EXOC6B: variants seen among roughly 807,000 people sequenced by gnomAD.
EXOC6B encodes the protein SEC15 homolog B.
Under a neutral mutation model 113.5 loss-of-function variants are expected in EXOC6B, and 54 were observed. The ratio of observed to expected loss-of-function variants is 0.48; its 90% CI spans 0.38 to 0.60. The LOEUF (loss-of-function observed/expected upper bound fraction) is 0.60, where lower values mean the gene tolerates loss of function less well. Ranked by LOEUF, EXOC6B falls within the 20% of genes least tolerant of loss-of-function variation. The pLI, the probability that EXOC6B is intolerant of heterozygous loss-of-function variation, is 0.00. For missense variants in EXOC6B, 797 were observed against 977.5 expected (o/e 0.82, Z 2.46); for synonymous variants, 357 against 339.0 (o/e 1.05, Z -0.58).
intron 18 of EXOC6B, among the ~76,000 whole-genome samples, chr2:72,401,539 ATAT>A (rs1693208388): frequency 3.8e-5 from 1 of 26,514 alleles, no homozygotes; most frequent in South Asian, 8.5e-4. Context: ...ATATATATAT[ATAT>A]ATGTGTATAT....
chr2:72,397,100 T>C (rs1212249735), intron 18 of EXOC6B, among the ~76,000 whole-genome samples: 3 of 152,194 alleles, frequency 2.0e-5, no homozygotes, highest in Admixed American at 2.0e-4. Context: ...TGTTGTCAGA[T>C]AGGAAAGGCA....
intron 8 of EXOC6B, among the ~76,000 whole-genome samples, chr2:72,552,452 C>CA (rs1703292208): frequency 6.6e-6 from 1 of 152,068 alleles, no homozygotes; most frequent in South Asian, 2.1e-4. Context: ...TTTCAAGGAA[C>CA]AGATAACTCT....
At chr2:72,191,220 T>C (rs1458216632) in intron 20 of EXOC6B, among the ~76,000 whole-genome samples, 2 of 152,150 alleles carry the variant, frequency 1.3e-5, no homozygotes, top group African/African-American at 2.4e-5. Flanking sequence ...GATAGGATAC[T>C]TTTTTTTCTT....
In EXOC6B at chr2:72,825,373, G is replaced by A. The variant is rs780146387; in HGVS notation, c.113+425C>T. On this transcript the variant is annotated intron_variant, in intron 1 of 21. Coordinates refer to ENST00000272427, the MANE Select transcript of EXOC6B (RefSeq NM_015189.3). The surrounding 1 kb of genome is among the most constrained non-coding windows in gnomAD (Gnocchi z 4.4). The stretch of plus-strand genomic sequence containing the variant: ...GATTCTGAGGCAAGACTTTGATTTC[G>A]AGCACTAGACCATGGAGTGAAATTC... 5.5e-4 allele frequency among the ~76,000 whole-genome samples: 83 copies of A among 152,274 alleles called. 1 individual carries two copies. Among genetic ancestry groups the A allele is most frequent in the Middle Eastern group, 3.4e-3 (1 of 294 alleles).
chr2:72,633,905 T>C (rs1188014157), intron 6 of EXOC6B, among the ~76,000 whole-genome samples: 1 of 152,176 alleles, frequency 6.6e-6, no homozygotes, highest in Non-Finnish European at 1.5e-5. Context: ...AACAGTGTTA[T>C]GAAGTAGAGC....
At chr2:72,647,257 A>T (rs1673795575) in intron 6 of EXOC6B, among the ~76,000 whole-genome samples, 1 of 152,176 alleles carries the variant, frequency 6.6e-6, no homozygotes. Context: ...ACTACAAACC[A>T]CTGCTCAACG....
intron 11 of EXOC6B, among the ~76,000 whole-genome samples, chr2:72,512,314 C>CGGAAGGAAGGAAGGAAGGAAGGAAGGAA (rs745543998): frequency 1.9e-5 from 2 of 107,554 alleles, no homozygotes; most frequent in African/African-American, 7.7e-5. Context: ...TTAAGAAACA[C>CGGAAGGAAGGAAGGAAGGAAGGAAGGAA]GGAAGGAAGG....
At chr2:72,748,544 T>C (rs1681842709) in intron 1 of EXOC6B, among the ~76,000 whole-genome samples, 1 of 152,042 alleles carries the variant, frequency 6.6e-6, no homozygotes, top group South Asian at 2.1e-4. Flanking sequence ...AAGCATATGC[T>C]AGTTAACATG....
At chr2:72,792,550 A>T (rs1331634991) in intron 1 of EXOC6B, among the ~76,000 whole-genome samples, 2 of 152,210 alleles carry the variant, frequency 1.3e-5, no homozygotes, top group Non-Finnish European at 2.9e-5. Context: ...GCTTCGAGTC[A>T]TGATGAGACA....
At chr2:72,553,823 T>C (rs982192683) in intron 8 of EXOC6B, among the ~76,000 whole-genome samples, 5 of 152,178 alleles carry the variant, frequency 3.3e-5, no homozygotes, top group Admixed American at 1.3e-4. Flanking sequence ...CTTGTTATAA[T>C]ATGTCTGAAC....
At chr2:72,206,166 C>A (rs1476028391) in intron 20 of EXOC6B, among the ~76,000 whole-genome samples, 4 of 152,188 alleles carry the variant, frequency 2.6e-5, no homozygotes, top group Non-Finnish European at 4.4e-5. Context: ...GCCTATTTTA[C>A]CGATAAGGTA....
Position 72,177,143 on chromosome 2 carries a change from C to T in EXOC6B, c.*2192G>A, listed in dbSNP as rs1677781385. On this transcript the variant is annotated 3_prime_UTR_variant, in exon 22 of 22. Transcript: ENST00000272427. ...TATATCAAAGGGTCCATCTTTATGT[C>T]TTGAGCTTGAATAAGCTTTTCCTTT... The T allele has an allele frequency of 6.6e-6, 1 of 152,158 alleles. No homozygotes were observed. Among genetic ancestry groups the T allele is most frequent in the South Asian group, 2.1e-4 (1 of 4,826 alleles). 9.4% of individuals were successfully genotyped at this position (152,158 alleles called of 1,614,324 possible).
intron 18 of EXOC6B, among the ~76,000 whole-genome samples, chr2:72,454,024 T>C (rs1697062750): frequency 6.6e-6 from 1 of 152,150 alleles, no homozygotes; most frequent in Non-Finnish European, 1.5e-5. Context: ...GATCTCACTA[T>C]CATATGAACA....
chr2:72,327,716 C>T (rs942650117), intron 20 of EXOC6B, among the ~76,000 whole-genome samples: 5 of 152,106 alleles, frequency 3.3e-5, no homozygotes, highest in Non-Finnish European at 5.9e-5. Flanking sequence ...TCCAAACGCA[C>T]TTCCTCCCCA....
At chr2:72,471,236 C>G (rs1698392724) in intron 17 of EXOC6B, among the ~76,000 whole-genome samples, 1 of 152,120 alleles carries the variant, frequency 6.6e-6, no homozygotes, top group Non-Finnish European at 1.5e-5. Flanking sequence ...AGCATTTTTT[C>G]ACGTGTCTTT....
At chr2:72,701,573 G>A (rs1052144320) in intron 6 of EXOC6B, among the ~76,000 whole-genome samples, 6 of 152,130 alleles carry the variant, frequency 3.9e-5, no homozygotes, top group African/African-American at 1.4e-4. Flanking sequence ...CCTAGGTTCT[G>A]TGGGAACAAA....
intron 19 of EXOC6B, among the ~76,000 whole-genome samples, chr2:72,351,602 C>T (rs1472072393): frequency 2.0e-5 from 3 of 152,108 alleles, no homozygotes; most frequent in African/African-American, 7.2e-5. Flanking sequence ...ATATATGGGA[C>T]ATGCTTATAC....
At chr2:72,531,419 A>T (rs532408905) in intron 8 of EXOC6B, among the ~76,000 whole-genome samples, 1 of 152,338 alleles carries the variant, frequency 6.6e-6, no homozygotes, top group South Asian at 2.1e-4. Context: ...GTCAGCACCA[A>T]ATCAGAAAGT....
chr2:72,280,140 A>AT lies in EXOC6B; in HGVS notation c.2196+54806dup, dbSNP rs370027196. On this transcript the variant is annotated intron_variant, in intron 20 of 21. Coordinates refer to ENST00000272427, the MANE Select transcript of EXOC6B (RefSeq NM_015189.3). The stretch of plus-strand genomic sequence containing the variant: ...TCATTACAACTTCTGGTCTTCATTA[A>AT]TTTTTTTTATCATTCTAGTTCTTCC... Among the ~76,000 whole-genome samples the AT allele has an allele frequency of 1.7e-4, 26 of 151,930 alleles. No homozygotes were observed. The East Asian group carries it at 4.6e-3, about 27-fold the overall frequency.
Sources: gnomAD v4.1 joint callset for allele counts (sites outside exome capture counted in the v4.1 genomes callset) on GRCh38, gnomAD v4.1.1 for gene constraint, Gnocchi (gnomAD v3.1) non-coding constraint, MANE v1.5 for transcripts, NCBI Gene and HGNC (gene_info 2026-07-23, HGNC 2026-07-21) for gene names.